Variants in KCNG3 observed in about 807,000 individuals in gnomAD.
KCNG3 encodes voltage-gated potassium channel regulatory subunit KCNG3.
KCNG3 carries 15 observed loss-of-function variants against 29.0 expected under a neutral mutation model. The observed-to-expected ratio is 0.52, with a 90% CI of 0.35 to 0.80. KCNG3 has a LOEUF of 0.80. Ranked by LOEUF, KCNG3 falls within the 30% of genes least tolerant of loss-of-function variation. The pLI is 0.01. For missense variants in KCNG3, 512 were observed against 605.7 expected (o/e 0.85, Z 1.62); for synonymous variants, 322 against 248.9 (o/e 1.29, Z -2.76).
At chr2:42,434,842 A>G in the KCNG3 span, among the ~76,000 whole-genome samples, 2 of 152,166 alleles carry the variant, frequency 1.3e-5, no homozygotes, top group African/African-American at 4.8e-5. Context: ...ATTTTTGTCA[A>G]AAGTGCCAAT....
Position 42,444,426 on chromosome 2 carries a change from C to A in KCNG3, c.819G>T (p.Val273=), listed in dbSNP as rs780657136. The change falls in exon 2 of 2, where the codon GTG becomes GTT. Residue 273 remains valine (V), a synonymous_variant. Coordinates refer to ENST00000306078, the MANE Select transcript of KCNG3 (RefSeq NM_133329.6). This position sits in a 1 kb window ranked among gnomAD's most constrained non-coding sequence, Gnocchi z 5.8. ...GGAGTTGAGAGTTCTCGCCTGTAAA[C>A]ACTGTCATCAACACAGAGATGTAAT... The part of the protein sequence containing the change: ...TPYYISVLMT[V]FTGENSQLQR... 6.2e-7 allele frequency: 1 copy of A among 1,614,186 alleles called. No individual in the cohort carries two copies. Among genetic ancestry groups the A allele is most frequent in the Non-Finnish European group, 8.5e-7 (1 of 1,180,042 alleles).
the KCNG3 span, among the ~76,000 whole-genome samples, chr2:42,406,460 C>A: frequency 6.7e-6 from 1 of 150,228 alleles, no homozygotes; most frequent in Admixed American, 6.6e-5. Flanking sequence ...CTCAGGTGAT[C>A]CACCCACCTC....
Position 42,443,223 on chromosome 2 carries a change from G to T in KCNG3, c.*711C>A, listed in dbSNP as rs572629619. On this transcript the variant is annotated 3_prime_UTR_variant, in exon 2 of 2. Transcript: ENST00000306078. Reference sequence around the variant, plus strand: ...TCCAGTAAGATGCTAAACAACACAAGCTCTCGTCAATTCTTAAATACCTTT... The same window carrying T: ...TCCAGTAAGATGCTAAACAACACAATCTCTCGTCAATTCTTAAATACCTTT... 6.6e-6 allele frequency: 1 copy of T among 152,148 alleles called. No individual in the cohort carries two copies. Among genetic ancestry groups the T allele is most frequent in the Non-Finnish European group, 1.5e-5 (1 of 68,014 alleles). The allele number at this position is 152,148 out of a possible 1,614,324, so 9.4% of individuals were successfully genotyped here. A position where few individuals can be genotyped will look rare whatever the true frequency, so the allele number is the denominator to read the frequency against.
At chr2:42,441,555 A>G (rs1443530085), downstream of KCNG3, among the ~76,000 whole-genome samples, 1 of 151,932 alleles carries the variant, frequency 6.6e-6, no homozygotes, top group Non-Finnish European at 1.5e-5. Context: ...CTCCTTATAA[A>G]TGGGTAGCTT....
chr2:42,477,687 T>C (rs770880575), intron 1 of KCNG3, among the ~76,000 whole-genome samples: 2 of 151,912 alleles, frequency 1.3e-5, no homozygotes, highest in Non-Finnish European at 2.9e-5. Flanking sequence ...GAGACTAGCC[T>C]GGCCAGCATA....
the KCNG3 span, chr2:42,413,574 ATT>A: frequency 6.6e-6 from 1 of 151,882 alleles, no homozygotes; most frequent in Non-Finnish European, 1.5e-5. Context: ...TAAACCTTTT[ATT>A]TTGTATTTTT....
intron 1 of KCNG3, among the ~76,000 whole-genome samples, chr2:42,457,947 C>A (rs1377073598): frequency 6.6e-6 from 1 of 150,870 alleles, no homozygotes; most frequent in Non-Finnish European, 1.5e-5. Flanking sequence ...TATAGTGAAA[C>A]CCCTCATCTC....
intron 1 of KCNG3, among the ~76,000 whole-genome samples, chr2:42,448,921 T>A (rs1672672591): frequency 6.6e-6 from 1 of 151,462 alleles, no homozygotes; most frequent in African/African-American, 2.4e-5. Context: ...GAGCTTGCAG[T>A]GAGCTGAGAT....
At chr2:42,473,876 G>T (rs958276697) in intron 1 of KCNG3, among the ~76,000 whole-genome samples, 4 of 152,226 alleles carry the variant, frequency 2.6e-5, no homozygotes, top group African/African-American at 9.6e-5. Flanking sequence ...GTTAGGCCAG[G>T]CGCGGTGGCT....
intron 1 of KCNG3, among the ~76,000 whole-genome samples, chr2:42,470,907 C>G (rs1389902991): frequency 6.6e-6 from 1 of 151,718 alleles, no homozygotes; most frequent in African/African-American, 2.4e-5. Flanking sequence ...ACCTGTAATC[C>G]CAGCACTTTG....
chr2:42,430,238 C>G, the KCNG3 span, among the ~76,000 whole-genome samples: 1 of 151,506 alleles, frequency 6.6e-6, no homozygotes, highest in South Asian at 2.1e-4. Context: ...CATCATGGTG[C>G]ACGCCTGCAG....
At chr2:42,466,698 A>G (rs993535914) in intron 1 of KCNG3, among the ~76,000 whole-genome samples, 6 of 151,582 alleles carry the variant, frequency 4.0e-5, no homozygotes, top group Non-Finnish European at 7.4e-5. Flanking sequence ...CTGGTACAAA[A>G]GTTAATTGTG....
intron 1 of KCNG3, among the ~76,000 whole-genome samples, chr2:42,464,437 T>C (rs1237605338): frequency 6.6e-6 from 1 of 152,118 alleles, no homozygotes; most frequent in Non-Finnish European, 1.5e-5. Flanking sequence ...CCTGAAACAA[T>C]AAGCTAAGTG....
chr2:42,474,566 C>G (rs1238153665), intron 1 of KCNG3, among the ~76,000 whole-genome samples: 1 of 152,042 alleles, frequency 6.6e-6, no homozygotes, highest in Non-Finnish European at 1.5e-5. Flanking sequence ...GGTTATGAAT[C>G]TAAATATTAT....
At chr2:42,468,202 A>T (rs1270757573) in intron 1 of KCNG3, among the ~76,000 whole-genome samples, 2 of 152,186 alleles carry the variant, frequency 1.3e-5, no homozygotes, top group Non-Finnish European at 2.9e-5. Flanking sequence ...CAGCAAGACA[A>T]AGGTATTATA....
At chr2:42,415,469 G>C in the KCNG3 span, 3 of 152,090 alleles carry the variant, frequency 2.0e-5, no homozygotes, top group Admixed American at 2.0e-4. Context: ...CTCTGACCCA[G>C]AATGGCAACA....
the KCNG3 span, among the ~76,000 whole-genome samples, chr2:42,399,520 C>G: frequency 1.3e-5 from 2 of 152,236 alleles, no homozygotes; most frequent in East Asian, 3.9e-4. Context: ...GGCTGGCTCT[C>G]CCATGCAGCA....
intron 1 of KCNG3, among the ~76,000 whole-genome samples, chr2:42,472,906 T>TTC (rs1558384663): frequency 4.9e-5 from 7 of 141,542 alleles, no homozygotes; most frequent in Non-Finnish European, 9.1e-5. Flanking sequence ...TATATATATT[T>TTC]TTTTTTTTTT....
intron 1 of KCNG3, among the ~76,000 whole-genome samples, chr2:42,452,243 A>ATATATATATATATATATATATATATTTT: frequency 1.7e-4 from 16 of 95,034 alleles, no homozygotes; most frequent in African/African-American, 4.3e-4. Context: ...ATATATATAT[A>ATATATATATATATATATATATATATTTT]TTTTTTTTTT....
Sources: gnomAD v4.1 joint callset for allele counts (sites outside exome capture counted in the v4.1 genomes callset) on GRCh38, gnomAD v4.1.1 for gene constraint, Gnocchi (gnomAD v3.1) non-coding constraint, MANE v1.5 for transcripts, NCBI Gene and HGNC (gene_info 2026-07-23, HGNC 2026-07-21) for gene names.